Variants in ARHGAP15 observed in about 807,000 individuals in gnomAD.
The protein encoded by ARHGAP15 is Rho GTPase activating protein 15.
ARHGAP15 carries 51 observed loss-of-function variants against 63.7 expected under a neutral mutation model. The ratio of observed to expected loss-of-function variants is 0.80; its 90% CI spans 0.64 to 1.01. The LOEUF is 1.01. ARHGAP15 is among the 50% of genes least tolerant of loss of function. The probability of loss-of-function intolerance (pLI) is 0.00; values close to 1 mark genes in which losing one functional copy is unlikely to be tolerated. For synonymous variants in ARHGAP15, 191 were observed against 193.8 expected, an observed-to-expected ratio of 0.99 and a Z score of 0.12; for missense variants, 560 against 564.6, an observed-to-expected ratio of 0.99 and a Z score of 0.08.
chr2:143,202,008 C>A, intron 2 of ARHGAP15, 126 bp from the exon 3 acceptor site: 1 of 759,518 alleles, frequency 1.3e-6, no homozygotes, highest in South Asian at 1.5e-5. Context: ...AAAACATTTA[C>A]TTCTCATTTT....
chr2:143,216,258 A>T, intron 3 of ARHGAP15, 126 bp from the exon 4 acceptor site: 1 of 663,976 alleles, frequency 1.5e-6, no homozygotes, highest in Non-Finnish European at 2.6e-6. Flanking sequence ...CTATATATGC[A>T]TTATTAATAA....
At chr2:143,562,695 C>T (rs922429154) in intron 11 of ARHGAP15, among the ~76,000 whole-genome samples, 2 of 152,190 alleles carry the variant, frequency 1.3e-5, no homozygotes, top group Non-Finnish European at 2.9e-5. Flanking sequence ...GCTTTGGAAA[C>T]TTTCTTAGAC....
At chr2:143,354,089 C>T (rs1001675282) in intron 6 of ARHGAP15, among the ~76,000 whole-genome samples, 27 of 151,676 alleles carry the variant, frequency 1.8e-4, no homozygotes, top group Non-Finnish European at 1.2e-4. Context: ...AAATGGATTC[C>T]GAACAGGAAT....
intron 8 of ARHGAP15, among the ~76,000 whole-genome samples, chr2:143,471,056 TATATACACATA>T (rs1375853632): frequency 6.7e-6 from 1 of 149,536 alleles, no homozygotes; most frequent in East Asian, 2.0e-4. Flanking sequence ...CATGTGTGCA[TATATACACATA>T]TGATACACAT....
At chr2:143,502,705 G>A (rs1364685116) in intron 9 of ARHGAP15, among the ~76,000 whole-genome samples, 1 of 151,948 alleles carries the variant, frequency 6.6e-6, no homozygotes, top group Non-Finnish European at 1.5e-5. Context: ...TCAGTCTCCT[G>A]GATAGCTGGG....
intron 8 of ARHGAP15, among the ~76,000 whole-genome samples, chr2:143,468,791 A>T (rs1173927757): frequency 6.6e-6 from 1 of 152,108 alleles, no homozygotes; most frequent in Non-Finnish European, 1.5e-5. Context: ...TAAAATCAGT[A>T]GTCTATTCAA....
intron 6 of ARHGAP15, among the ~76,000 whole-genome samples, chr2:143,304,645 T>C (rs1334746098): frequency 2.0e-5 from 3 of 152,048 alleles, no homozygotes; most frequent in Non-Finnish European, 4.4e-5. Flanking sequence ...TCTTTAGCCA[T>C]TTGATTGTAA....
chr2:143,461,504 A>C (rs1017260083), intron 8 of ARHGAP15, among the ~76,000 whole-genome samples: 5 of 152,184 alleles, frequency 3.3e-5, no homozygotes, highest in African/African-American at 9.7e-5. Context: ...TAAATGTTAT[A>C]AGAACAATAT....
chr2:143,250,256 T>C (rs1680082587), intron 5 of ARHGAP15, among the ~76,000 whole-genome samples: 1 of 152,048 alleles, frequency 6.6e-6, no homozygotes, highest in African/African-American at 2.4e-5. Context: ...TCTCAAAATA[T>C]CAGTATTCTA....
At chr2:143,690,350 T>G (rs1257558645) in intron 12 of ARHGAP15, among the ~76,000 whole-genome samples, 1 of 152,222 alleles carries the variant, frequency 6.6e-6, no homozygotes, top group Non-Finnish European at 1.5e-5. Flanking sequence ...CAGATGCCAT[T>G]TAAAACCAAA....
In ARHGAP15 at chr2:143,449,091, G is replaced by T. The variant is rs533800895; in HGVS notation, c.703+12049G>T. On this transcript the variant is annotated intron_variant, in intron 8 of 13. Coordinates refer to ENST00000295095, the MANE Select transcript of ARHGAP15 (RefSeq NM_018460.4). ...TCAATCCCTTCCAACCCATGATTAC[G>T]GACTAAATGAGAAAGAACCAAGACT... is the stretch of plus-strand genomic sequence containing the variant. Among the ~76,000 whole-genome samples the T allele has an allele frequency of 2.0e-5, 3 of 152,010 alleles. No individual in the cohort carries two copies. In the East Asian group the frequency reaches 5.8e-4, roughly 29 times the overall value.
At position 143,185,164 on chromosome 2, in the gene ARHGAP15, G is replaced by A. The variant is rs544619527; in HGVS notation, c.166-16970G>A. 1.1e-4 allele frequency among the ~76,000 whole-genome samples: 16 copies of A among 152,062 alleles called. No homozygotes were observed. The South Asian group carries it at 2.3e-3, about 22-fold the overall frequency. On this transcript the variant is annotated intron_variant, in intron 2 of 13. Transcript: ENST00000295095. ...TGAAATGAAACATTTTTATTAATAC[G>A]TTCCGATTGAGTTTAATATTTATCC...
chr2:143,657,061 T>C (rs1348056834), intron 12 of ARHGAP15, among the ~76,000 whole-genome samples: 1 of 151,888 alleles, frequency 6.6e-6, no homozygotes, highest in African/African-American at 2.4e-5. Flanking sequence ...AAAAAGCTAT[T>C]TGTGGCCGAG....
chr2:143,356,534 T>C (rs1471430783), intron 6 of ARHGAP15, among the ~76,000 whole-genome samples: 3 of 152,182 alleles, frequency 2.0e-5, no homozygotes, highest in Admixed American at 2.0e-4. Context: ...AGTTGGTTGA[T>C]GAATTCTATT....
At chr2:143,160,281 T>C (rs753044557) in intron 2 of ARHGAP15, among the ~76,000 whole-genome samples, 2 of 152,002 alleles carry the variant, frequency 1.3e-5, no homozygotes, top group Admixed American at 6.6e-5. Context: ...TCTTATACAC[T>C]GCATTCTTCA....
intron 6 of ARHGAP15, among the ~76,000 whole-genome samples, chr2:143,402,895 G>T (rs1307874053): frequency 6.6e-6 from 1 of 151,688 alleles, no homozygotes; most frequent in African/African-American, 2.4e-5. Context: ...TGTCTACCTG[G>T]CTAAGGACAT....
chr2:143,185,200 A>G (rs1246525842), intron 2 of ARHGAP15, among the ~76,000 whole-genome samples: 1 of 152,194 alleles, frequency 6.6e-6, no homozygotes, highest in Non-Finnish European at 1.5e-5. Flanking sequence ...CATGCCTGCT[A>G]TGTACCAAGT....
At chr2:143,679,026 C>T (rs891815468) in intron 12 of ARHGAP15, among the ~76,000 whole-genome samples, 9 of 152,062 alleles carry the variant, frequency 5.9e-5, no homozygotes, top group African/African-American at 1.9e-4. Context: ...AGAAACACTG[C>T]TTTGCTGTAG....
intron 6 of ARHGAP15, among the ~76,000 whole-genome samples, chr2:143,349,120 CATT>C (rs772643003): frequency 6.6e-5 from 10 of 152,226 alleles, no homozygotes; most frequent in Non-Finnish European, 1.2e-4. Flanking sequence ...CTTTTATTGA[CATT>C]GTTGGAAGTT....
Sources: allele counts gnomAD v4.1 joint callset (sites outside exome capture counted in the v4.1 genomes callset), GRCh38; gene constraint gnomAD v4.1.1; transcripts MANE v1.5; gene names NCBI Gene and HGNC (gene_info 2026-07-23, HGNC 2026-07-21).